The following LARS1 variants were observed in gnomAD, a reference collection of about 807,000 sequenced individuals.
LARS1 encodes leucine--tRNA ligase, cytoplasmic.
In LARS1, 100 loss-of-function variants were observed where a neutral mutation model predicts 162.8. The ratio of observed to expected loss-of-function variants is 0.61; its 90% CI spans 0.52 to 0.73. The LOEUF is 0.73. LARS1 is among the 30% of genes least tolerant of loss of function. LARS1 has a pLI of 0.00. For synonymous variants in LARS1, 457 were observed against 462.8 expected, an observed-to-expected ratio of 0.99 and a Z score of 0.16; for missense variants, 1,258 against 1,408.9, an observed-to-expected ratio of 0.89 and a Z score of 1.71.
At chr5:146,123,575 A>G (rs1274972370) in intron 29 of LARS1, among the ~76,000 whole-genome samples, 1 of 151,896 alleles carries the variant, frequency 6.6e-6, no homozygotes, top group African/African-American at 2.4e-5. Flanking sequence ...CAGTGCAGCA[A>G]TTCTAAACCA....
In LARS1 at chr5:146,129,076, C is replaced by A. The variant is rs754663860; in HGVS notation, c.2671G>T (p.Val891Phe). ...MNASWPVAGP[V>F]NEVLIHSSQY... ...GAGGAGTGTATTAAAACTTCATTAA[C>A]AGGACCTGCCACAGGCCATGAAGCA... Residue 891 changes from valine (V) to phenylalanine (F), a missense_variant, in exon 26 of 32, where the codon GTT (valine) becomes TTT (phenylalanine). Physicochemically the swap from Val to Phe is conservative, Grantham distance 50. Transcript: ENST00000394434. 3 of 1,607,794 alleles carry A rather than the reference C, an allele frequency of 1.9e-6. No individual in the cohort carries two copies. The highest frequency in any genetic ancestry group is 2.5e-6 in the Non-Finnish European group (3 of 1,176,730).
rs1753185601 is a variant in LARS1 at position 146,149,686 on chromosome 5, T to C, written c.1439A>G (p.Asp480Gly). ...KGFYEGIMLVDGFKGQKVQDV... is the reference protein window; with the variant it reads ...KGFYEGIMLVGGFKGQKVQDV... ...TTGAACCTTCTGTCCTTTAAATCCA[T>C]CCACCAACATGATCTAAAAGGATGA... is the stretch of plus-strand genomic sequence containing the variant. The change falls in exon 15 of 32, where the codon GAT (aspartate) becomes GGT (glycine). Residue 480 changes from aspartate to glycine, a missense_variant. Coordinates refer to ENST00000394434, the MANE Select transcript of LARS1 (RefSeq NM_020117.11). The C allele has an allele frequency of 1.2e-6, 2 of 1,610,920 alleles. No individual in the cohort carries two copies. Among genetic ancestry groups the C allele is most frequent in the Non-Finnish European group, 1.7e-6 (2 of 1,177,246 alleles).
At position 146,151,945 on chromosome 5, in the gene LARS1, C is replaced by T. The variant is rs781515046; in HGVS notation, c.1342G>A (p.Glu448Lys). 5.6e-6 allele frequency: 9 copies of T among 1,614,094 alleles called. No individual in the cohort carries two copies. The Admixed American group carries it at 1.3e-4, about 24-fold the overall frequency. The change falls in exon 14 of 32, where the codon GAG (glutamate) becomes AAG (lysine). Residue 448 changes from glutamate (E) to lysine (K), a missense_variant. Transcript: ENST00000394434. Reference protein sequence around the residue: ...GNLSAVTICDELKIQSQNDRE... With the variant: ...GNLSAVTICDKLKIQSQNDRE... ...TCATTCTGGCTCTGAATTTTCAACT[C>T]ATCACAAATGGTTACAGCAGAAAGA...
rs769494676 is a variant in LARS1, at chr5:146,144,540, G to A, written c.1590-3C>T. 12 of 1,613,740 alleles carry A rather than the reference G, an allele frequency of 7.4e-6. No individual in the cohort carries two copies. The Middle Eastern group carries it at 4.9e-4, about 67-fold the overall frequency. On this transcript the variant is annotated splice_polypyrimidine_tract_variant and splice_region_variant and intron_variant, in intron 16 of 31. Coordinates refer to ENST00000394434, the MANE Select transcript of LARS1 (RefSeq NM_020117.11). The stretch of plus-strand genomic sequence containing the variant: ...TCTCTTCTCCATAATCCAAGTACCT[G>A]GGAGTGGACAAATTGATATGTTTTT...
rs565853116 is a variant in LARS1 at position 146,130,373 on chromosome 5, G to C, written c.2488-215C>G. The C allele has an allele frequency of 9.2e-6, 5 of 542,610 alleles. No individual in the cohort carries two copies. In the East Asian group the frequency reaches 1.7e-4, roughly 18 times the overall value. 33.6% of individuals were successfully genotyped at this position (542,610 alleles called of 1,614,324 possible). A position where few individuals can be genotyped will look rare whatever the true frequency, so the allele number is the denominator to read the frequency against. ...TTTATACTAATAATTCTCAAAAAAA[G>C]AATTTTTTTACAGACAGTTTGTAAC... On this transcript the variant is annotated intron_variant, in intron 24 of 31. Transcript: ENST00000394434.
At chr5:146,115,046 G>GAAAAAAAA (rs35008800) in intron 31 of LARS1, among the ~76,000 whole-genome samples, 2 of 97,634 alleles carry the variant, frequency 2.0e-5, no homozygotes, top group African/African-American at 3.7e-5. Flanking sequence ...CTGTCGGGGG[G>GAAAAAAAA]AAAAAAAAAA....
intron 21 of LARS1, chr5:146,138,918 T>C (rs1355246887): frequency 3.0e-6 from 1 of 332,948 alleles, no homozygotes; most frequent in Non-Finnish European, 6.0e-6. Context: ...ACGGGAACAG[T>C]AGCATGGTTC....
intron 1 of LARS1, 62 bp from the exon 2 acceptor site, chr5:146,177,727 T>C: frequency 1.2e-6 from 1 of 826,004 alleles, no homozygotes; most frequent in Non-Finnish European, 1.9e-6. Context: ...AAAAAAGAAT[T>C]GGGTTCACAG....
chr5:146,114,959 G>T lies in LARS1; in HGVS notation c.3326-648C>A, dbSNP rs114281944. Among the ~76,000 whole-genome samples, 891 of 149,938 alleles carry T rather than the reference G, an allele frequency of 5.9e-3. 8 individuals are homozygous for T. Among genetic ancestry groups the T allele is most frequent in the African/African-American group, 0.021 (838 of 40,782 alleles). Reference sequence around the variant, plus strand: ...GTAGGGAGGCTGAGGCAGTGGAATTGCTTGAACCCAGGAGACAGAGGTTGC... The same window carrying T: ...GTAGGGAGGCTGAGGCAGTGGAATTTCTTGAACCCAGGAGACAGAGGTTGC... On this transcript the variant is annotated intron_variant, in intron 31 of 31. Transcript: ENST00000394434.
At chr5:146,166,279 T>C (rs1330564897) in intron 5 of LARS1, among the ~76,000 whole-genome samples, 1 of 152,170 alleles carries the variant, frequency 6.6e-6, no homozygotes, top group Non-Finnish European at 1.5e-5. Context: ...GAATGTCTAA[T>C]GGACACAGGA....
At position 146,168,165 on chromosome 5, in the gene LARS1, T is replaced by C. The variant is rs749328957; in HGVS notation, c.395A>G (p.Glu132Gly). ...AGCTTTATCCTTAATTATTATATCTTCTGTTTTAACACTGGTTTCTTCCTC... is the reference window on the plus strand; with the variant it reads ...AGCTTTATCCTTAATTATTATATCTCCTGTTTTAACACTGGTTTCTTCCTC... ...EEEEETSVKT[E>G]DIIIKDKAKG... The change falls in exon 5 of 32, where the codon GAA becomes GGA. Residue 132 changes from glutamate (E) to glycine (G), a missense_variant. Coordinates refer to ENST00000394434, the MANE Select transcript of LARS1 (RefSeq NM_020117.11). 2 of 1,610,158 alleles carry C rather than the reference T, an allele frequency of 1.2e-6. No individual in the cohort carries two copies. Among genetic ancestry groups the C allele is most frequent in the Non-Finnish European group, 1.7e-6 (2 of 1,176,638 alleles).
In LARS1 at chr5:146,156,530, C is replaced by T. The variant is rs545000349; in HGVS notation, c.1065+873G>A. On this transcript the variant is annotated intron_variant, in intron 10 of 31. Coordinates refer to ENST00000394434, the MANE Select transcript of LARS1 (RefSeq NM_020117.11). ...CCAACATGATGAAACCCTGTCTCTACTAAAAATACAAAAAATTAGCTGGGC... is the reference window on the plus strand; with the variant it reads ...CCAACATGATGAAACCCTGTCTCTATTAAAAATACAAAAAATTAGCTGGGC... 3.3e-5 allele frequency among the ~76,000 whole-genome samples: 5 copies of T among 151,994 alleles called. No individual in the cohort carries two copies. In the South Asian group the frequency reaches 1.0e-3, roughly 32 times the overall value.
intron 22 of LARS1, among the ~76,000 whole-genome samples, chr5:146,133,311 A>G (rs1369301674): frequency 6.6e-6 from 1 of 152,224 alleles, no homozygotes; most frequent in Non-Finnish European, 1.5e-5. Flanking sequence ...CTAAGCACCA[A>G]TATGTGTTTC....
At chr5:146,169,889 T>C (rs1754184554) in intron 4 of LARS1, among the ~76,000 whole-genome samples, 1 of 152,112 alleles carries the variant, frequency 6.6e-6, no homozygotes. Context: ...ACCTTTAGAA[T>C]GAGGAAACCT....
At chr5:146,162,643 CCA>C (rs1163704684) in intron 6 of LARS1, among the ~76,000 whole-genome samples, 1 of 152,140 alleles carries the variant, frequency 6.6e-6, no homozygotes, top group Non-Finnish European at 1.5e-5. Flanking sequence ...AAGAATCAGC[CCA>C]TCGTTTAAGC....
At chr5:146,162,243 C>T (rs1228401930) in intron 6 of LARS1, among the ~76,000 whole-genome samples, 2 of 152,162 alleles carry the variant, frequency 1.3e-5, no homozygotes, top group African/African-American at 4.8e-5. Context: ...ACTGTTATAG[C>T]CTTATAAAAT....
rs58615526 is a variant in LARS1, at chr5:146,144,973, G to A, written c.1504-264C>T. Among the ~76,000 whole-genome samples the A allele has an allele frequency of 4.1e-4, 62 of 151,570 alleles. 1 individual carries two copies. The highest frequency in any genetic ancestry group is 1.5e-3 in the African/African-American group (61 of 41,298). ...TTCATTTCAGTGAAAATTAAAAAGT[G>A]AACAAAAAGGAAAAAAAAACACAAA... On this transcript the variant is annotated intron_variant, in intron 15 of 31. Transcript: ENST00000394434.
chr5:146,122,473 T>G lies in LARS1; in HGVS notation c.3192+19A>C. 158 of 1,341,112 alleles carry G rather than the reference T, an allele frequency of 1.2e-4. No homozygotes were observed. Among genetic ancestry groups the G allele is most frequent in the Non-Finnish European group, 1.5e-4 (143 of 936,452 alleles). 83.1% of individuals were successfully genotyped at this position (1,341,112 alleles called of 1,614,324 possible). The stretch of plus-strand genomic sequence containing the variant: ...CTGGTTTTAAAATGCAATGATTCAG[T>G]GAGATTCCTTCAACTTACTTCTATT... On this transcript the variant is annotated intron_variant, in intron 30 of 31. Coordinates refer to ENST00000394434, the MANE Select transcript of LARS1 (RefSeq NM_020117.11).
chr5:146,160,832 TATAC>T, intron 6 of LARS1, among the ~76,000 whole-genome samples: 1 of 152,344 alleles, frequency 6.6e-6, no homozygotes, highest in East Asian at 1.9e-4. Context: ...AATATGTCAA[TATAC>T]ATTCTAATTC....
Sources: gnomAD v4.1 joint callset for allele counts (sites outside exome capture counted in the v4.1 genomes callset) on GRCh38, gnomAD v4.1.1 for gene constraint, MANE v1.5 for transcripts, NCBI Gene and HGNC (gene_info 2026-07-23, HGNC 2026-07-21) for gene names.